LPXN: variants seen among roughly 807,000 people sequenced by gnomAD.
LPXN encodes the protein leupaxin.
Under a neutral mutation model 45.6 loss-of-function variants are expected in LPXN, and 28 were observed. The ratio of observed to expected loss-of-function variants is 0.61; its 90% CI spans 0.45 to 0.84. The LOEUF (loss-of-function observed/expected upper bound fraction) is 0.84, where lower values mean the gene tolerates loss of function less well. Ranked by LOEUF, LPXN falls within the 40% of genes least tolerant of loss-of-function variation. The probability of loss-of-function intolerance (pLI) is 0.00; values close to 1 mark genes in which losing one functional copy is unlikely to be tolerated. For missense variants in LPXN, 459 were observed against 475.0 expected (o/e 0.97, Z 0.31); for synonymous variants, 166 against 169.9 (o/e 0.98, Z 0.18).
In LPXN at chr11:58,549,470, T is replaced by G. The variant is rs80284328; in HGVS notation, c.742+316A>C. ...ATCAGAAGAAACAGCTAAAATAATT[T>G]GGAGAGGAGAACTGGATTTGGAGAT... On this transcript the variant is annotated intron_variant, in intron 7 of 8. Coordinates refer to ENST00000395074, the MANE Select transcript of LPXN (RefSeq NM_004811.3). Among the ~76,000 whole-genome samples the G allele has an allele frequency of 2.3e-3, 345 of 152,202 alleles. 1 individual carries two copies. The highest frequency in any genetic ancestry group is 7.8e-3 in the African/African-American group (323 of 41,522).
In LPXN at chr11:58,528,132, G is replaced by C; in HGVS notation, c.802C>G (p.Pro268Ala). The stretch of plus-strand genomic sequence containing the variant: ...GGGCGATTGCAGCCACCACACTTGG[G>C]TGAGAACATGGCTAAGAAATCCTTT... ...CRKDFLAMFS[P>A]KCGGCNRPVL... Residue 268 changes from proline to alanine, a missense_variant, in exon 8 of 9, where the codon CCC becomes GCC. By Grantham distance (27) the Pro-to-Ala change is conservative (BLOSUM62 -1). Coordinates refer to ENST00000395074, the MANE Select transcript of LPXN (RefSeq NM_004811.3). The C allele has an allele frequency of 6.2e-7, 1 of 1,614,208 alleles. No homozygotes were observed. Among genetic ancestry groups the C allele is most frequent in the Non-Finnish European group, 8.5e-7 (1 of 1,180,030 alleles).
chr11:58,529,977 G>A (rs989577543), intron 7 of LPXN, among the ~76,000 whole-genome samples: 5 of 152,160 alleles, frequency 3.3e-5, no homozygotes, highest in Non-Finnish European at 5.9e-5. Context: ...ATTAGAAACT[G>A]TGCCGTGAGG....
intron 3 of LPXN, among the ~76,000 whole-genome samples, chr11:58,559,962 T>G (rs1854323015): frequency 6.6e-6 from 1 of 152,186 alleles, no homozygotes; most frequent in Admixed American, 6.5e-5. Flanking sequence ...CACATAAGTC[T>G]GTAAGGAGAA....
At chr11:58,563,168 G>A (rs1020607756) in intron 3 of LPXN, among the ~76,000 whole-genome samples, 1 of 152,140 alleles carries the variant, frequency 6.6e-6, no homozygotes. Context: ...AATATTTACT[G>A]AGGACCTATT....
chr11:58,568,800 C>A (rs1369743250), intron 2 of LPXN, among the ~76,000 whole-genome samples: 1 of 152,052 alleles, frequency 6.6e-6, no homozygotes, highest in African/African-American at 2.4e-5. Flanking sequence ...CAAGCATAAA[C>A]CCAGGACTCT....
At chr11:58,575,170 T>A (rs1037194925) in intron 1 of LPXN, among the ~76,000 whole-genome samples, 6 of 152,208 alleles carry the variant, frequency 3.9e-5, no homozygotes, top group African/African-American at 1.4e-4. Flanking sequence ...TTTCAGGCCC[T>A]AGTAATCTCT....
rs189348294 is a variant in LPXN, at chr11:58,527,328, C to T, written c.*126G>A. On this transcript the variant is annotated 3_prime_UTR_variant, in exon 9 of 9. Transcript: ENST00000395074. ...TAAAGTCTAGAAGTTCCTTTATTTG[C>T]TCATCACCTTTCCTTTTTCTATAAG... The T allele has an allele frequency of 6.6e-5, 61 of 923,320 alleles. No homozygotes were observed. In the East Asian group the frequency reaches 1.0e-3, roughly 15 times the overall value. 57.2% of individuals were successfully genotyped at this position (923,320 alleles called of 1,614,324 possible). A position where few individuals can be genotyped will look rare whatever the true frequency, so the allele number is the denominator to read the frequency against.
chr11:58,566,432 A>C (rs1249473212), intron 2 of LPXN, among the ~76,000 whole-genome samples: 1 of 151,952 alleles, frequency 6.6e-6, no homozygotes. Flanking sequence ...AATTTCTTAC[A>C]AGATAAAACT....
intron 2 of LPXN, 69 bp from the exon 3 acceptor site, chr11:58,564,270 G>T: frequency 2.1e-6 from 2 of 956,696 alleles, no homozygotes; most frequent in South Asian, 1.4e-5. Flanking sequence ...GAGGCTTAAT[G>T]ATACCCACAG....
At chr11:58,529,532 C>A (rs1472953286) in intron 7 of LPXN, among the ~76,000 whole-genome samples, 1 of 151,038 alleles carries the variant, frequency 6.6e-6, no homozygotes, top group Non-Finnish European at 1.5e-5. Flanking sequence ...ATGGCGTAAA[C>A]CCGGGAGGCA....
rs1853735733 is a variant in LPXN, at chr11:58,541,911, A to C, written c.742+7875T>G. On this transcript the variant is annotated intron_variant, in intron 7 of 8. Coordinates refer to ENST00000395074, the MANE Select transcript of LPXN (RefSeq NM_004811.3). Reference sequence around the variant, plus strand: ...TGTAGGGACATGGATGAAATTGGAAATCATCATTCTCAGTAAACTATCTCA... The same window carrying C: ...TGTAGGGACATGGATGAAATTGGAACTCATCATTCTCAGTAAACTATCTCA... 3.9e-5 allele frequency among the ~76,000 whole-genome samples: 6 copies of C among 152,218 alleles called. No individual in the cohort carries two copies. The South Asian group carries it at 1.2e-3, about 32-fold the overall frequency.
intron 1 of LPXN, among the ~76,000 whole-genome samples, chr11:58,572,872 T>C (rs1436059481): frequency 6.6e-6 from 1 of 152,186 alleles, no homozygotes; most frequent in African/African-American, 2.4e-5. Flanking sequence ...AACTGGTTGA[T>C]GGGTATATCA....
intron 7 of LPXN, among the ~76,000 whole-genome samples, chr11:58,531,873 C>T (rs952981699): frequency 1.4e-4 from 21 of 152,356 alleles, no homozygotes; most frequent in East Asian, 3.9e-4. Flanking sequence ...TTCAGCCTGC[C>T]GCTGCACTGT....
chr11:58,572,043 G>A (rs943466350), intron 1 of LPXN, among the ~76,000 whole-genome samples: 2 of 152,124 alleles, frequency 1.3e-5, no homozygotes, highest in African/African-American at 4.8e-5. Flanking sequence ...AATTTGATTA[G>A]AACAGTATTT....
chr11:58,534,337 G>C (rs1853484126), intron 7 of LPXN, among the ~76,000 whole-genome samples: 1 of 152,180 alleles, frequency 6.6e-6, no homozygotes, highest in African/African-American at 2.4e-5. Flanking sequence ...TCAGACCACA[G>C]TGCAATCAAA....
intron 7 of LPXN, among the ~76,000 whole-genome samples, chr11:58,540,176 A>C (rs1335757230): frequency 6.6e-6 from 1 of 152,152 alleles, no homozygotes; most frequent in Admixed American, 6.5e-5. Flanking sequence ...TAAAGCAAAA[A>C]ACAGTATCAT....
chr11:58,540,810 G>A (rs1454533357), intron 7 of LPXN, among the ~76,000 whole-genome samples: 1 of 152,126 alleles, frequency 6.6e-6, no homozygotes, highest in Non-Finnish European at 1.5e-5. Context: ...CTGAGAATGA[G>A]AAACTCACGG....
At position 58,575,842 on chromosome 11, in the gene LPXN, G is replaced by A. The variant is rs1854871915; in HGVS notation, c.-70C>T. Reference sequence around the variant, plus strand: ...AGCTTTGGCATGTGCTGAAGAAGAGGACCGCAAAGGAACTGGATGAGACAG... The same window carrying A: ...AGCTTTGGCATGTGCTGAAGAAGAGAACCGCAAAGGAACTGGATGAGACAG... On this transcript the variant is annotated 5_prime_UTR_variant, in exon 1 of 9. Coordinates refer to ENST00000395074, the MANE Select transcript of LPXN (RefSeq NM_004811.3). The A allele has an allele frequency of 3.7e-6, 6 of 1,613,896 alleles. No individual in the cohort carries two copies. The African/African-American group carries it at 6.7e-5, about 18-fold the overall frequency.
At chr11:58,576,681 G>C (rs562110954), upstream of LPXN, among the ~76,000 whole-genome samples, 42 of 152,304 alleles carry the variant, frequency 2.8e-4, no homozygotes, top group African/African-American at 9.9e-4. Context: ...GGTGAAATAG[G>C]TTCATGTAAT....
Sources: gnomAD v4.1 joint callset for allele counts (sites outside exome capture counted in the v4.1 genomes callset) on GRCh38, gnomAD v4.1.1 for gene constraint, MANE v1.5 for transcripts, NCBI Gene and HGNC (gene_info 2026-07-23, HGNC 2026-07-21) for gene names.